The following BRD1 variants were observed in gnomAD, a reference collection of about 807,000 sequenced individuals.
BRD1 encodes the protein bromodomain-containing protein 1.
In BRD1, 24 loss-of-function variants were observed where a neutral mutation model predicts 107.7. The ratio of observed to expected loss-of-function variants is 0.22; its 90% CI spans 0.16 to 0.31. The LOEUF is 0.31. Among genes scored for constraint, BRD1 ranks in the 10% least tolerant of loss-of-function variants. BRD1 has a pLI of 1.00. For missense variants in BRD1, 1,279 were observed against 1,638.6 expected (o/e 0.78, Z 3.79); for synonymous variants, 744 against 686.1 (o/e 1.08, Z -1.32).
At position 49,803,724 on chromosome 22, in the gene BRD1, CT is replaced by C. The variant is rs2059684402; in HGVS notation, c.1524+479del. On this transcript the variant is annotated intron_variant, in intron 3 of 12. Coordinates refer to ENST00000404760, the MANE Select transcript of BRD1 (RefSeq NM_001304808.3). This position sits in a 1 kb window ranked among gnomAD's most constrained non-coding sequence, Gnocchi z 4.4. ...CCACCACAGTCCCAGCTAAACCAAC[CT>C]TCAGAGCAAGGCCCTCGAAATAAAC... is the stretch of plus-strand genomic sequence containing the variant. Among the ~76,000 whole-genome samples the C allele has an allele frequency of 2.0e-5, 3 of 152,192 alleles. No homozygotes were observed. The South Asian group carries it at 6.2e-4, about 32-fold the overall frequency.
intron 2 of BRD1, among the ~76,000 whole-genome samples, chr22:49,808,187 C>A (rs895469987): frequency 6.6e-6 from 1 of 152,204 alleles, no homozygotes; most frequent in Non-Finnish European, 1.5e-5. Flanking sequence ...TCCGGGTATA[C>A]ACCCAAAAGA....
intron 1 of BRD1, chr22:49,825,662 G>A (rs2060138617): frequency 6.6e-6 from 1 of 152,278 alleles, no homozygotes; most frequent in South Asian, 2.1e-4. Context: ...TCTGCATCTA[G>A]CCCTGCCACG....
At chr22:49,789,797 G>A (rs575373713) in intron 7 of BRD1, among the ~76,000 whole-genome samples, 2 of 152,334 alleles carry the variant, frequency 1.3e-5, no homozygotes, top group South Asian at 4.1e-4. Context: ...GCCCTGAGAC[G>A]TGCAGACGTC....
Position 49,792,728 on chromosome 22 carries a change from A to G in BRD1, c.2359+1306T>C, listed in dbSNP as rs1047996137. On this transcript the variant is annotated intron_variant, in intron 7 of 12. Transcript: ENST00000404760. This position sits in a 1 kb window ranked among gnomAD's most constrained non-coding sequence, Gnocchi z 4.2. ...GAACAGAACAACAAACAGGCACAAA[A>G]TGAGCAAAAGGATGCATAAGAAATT... Among the ~76,000 whole-genome samples, 7 of 152,236 alleles carry G rather than the reference A, an allele frequency of 4.6e-5. No individual in the cohort carries two copies. The highest frequency in any genetic ancestry group is 8.8e-5 in the Non-Finnish European group (6 of 68,044).
At chr22:49,804,107 A>G (rs1231809617) in intron 3 of BRD1, 97 bp downstream of exon 3, 23 of 1,087,218 alleles carry the variant, frequency 2.1e-5, no homozygotes, top group Middle Eastern at 3.1e-4. Flanking sequence ...GCCTGAGCCC[A>G]GGGGGCAGCA....
chr22:49,804,439 ACTG>A, intron 2 of BRD1, 79 bp from the exon 3 acceptor site: 1 of 1,456,772 alleles, frequency 6.9e-7, no homozygotes, highest in African/African-American at 1.4e-5. Flanking sequence ...TGACAGTACT[ACTG>A]CTAACAAAAC....
chr22:49,818,411 G>A lies in BRD1; in HGVS notation c.1367+4540C>T, dbSNP rs949821250. The A allele has an allele frequency of 4.2e-5, 47 of 1,105,938 alleles. 1 individual carries two copies. Among genetic ancestry groups the A allele is most frequent in the African/African-American group, 1.6e-4 (10 of 61,330 alleles). 68.5% of individuals were successfully genotyped at this position (1,105,938 alleles called of 1,614,324 possible). Reference sequence around the variant, plus strand: ...AGGAGTTTTGTTAAACAGATTATGCGTGTATTTATCCCTCATTTCATGCAA... The same window carrying A: ...AGGAGTTTTGTTAAACAGATTATGCATGTATTTATCCCTCATTTCATGCAA... On this transcript the variant is annotated intron_variant, in intron 2 of 12. Transcript: ENST00000404760.
chr22:49,782,524 G>A (rs1360239771), intron 8 of BRD1, among the ~76,000 whole-genome samples: 2 of 134,892 alleles, frequency 1.5e-5, no homozygotes, highest in African/African-American at 5.7e-5. Flanking sequence ...CCATGACAAT[G>A]CAGCTGGGAC....
At chr22:49,797,663 T>C (rs1465245221) in intron 6 of BRD1, 142 bp downstream of exon 6, 9 of 754,984 alleles carry the variant, frequency 1.2e-5, no homozygotes, top group Non-Finnish European at 1.8e-5. Context: ...TCAGTGAGGC[T>C]ACTAGAAAAT....
chr22:49,822,827 T>C (rs568269548), intron 2 of BRD1, 124 bp downstream of exon 2: 3 of 1,139,252 alleles, frequency 2.6e-6, no homozygotes, highest in South Asian at 1.5e-5. Flanking sequence ...CAGGGGAATA[T>C]TAGGAAGCTG....
rs1453529977 is a variant in BRD1, at chr22:49,775,535, C to T, written c.3386+56G>A. ...CCACAGGGACACTCAGGTCACCGAG[C>T]CCACGGCCCCCAACCACCCCAGCCG... On this transcript the variant is annotated intron_variant, in intron 12 of 12. Coordinates refer to ENST00000404760, the MANE Select transcript of BRD1 (RefSeq NM_001304808.3). 6.1e-6 allele frequency: 8 copies of T among 1,320,876 alleles called. 1 individual carries two copies. The Admixed American group carries it at 2.4e-4, about 39-fold the overall frequency. 81.8% of individuals were successfully genotyped at this position (1,320,876 alleles called of 1,614,324 possible).
chr22:49,784,741 C>T (rs939063408), intron 8 of BRD1, among the ~76,000 whole-genome samples: 4 of 152,238 alleles, frequency 2.6e-5, no homozygotes, highest in Non-Finnish European at 5.9e-5. Flanking sequence ...CCCCCATGTG[C>T]AGAGCACCAG....
chr22:49,799,893 G>A (rs1017528039), intron 3 of BRD1, among the ~76,000 whole-genome samples: 3 of 152,182 alleles, frequency 2.0e-5, no homozygotes, highest in African/African-American at 2.4e-5. Flanking sequence ...CTGGCCGCAT[G>A]AGGCCTGCTC....
At chr22:49,804,101 G>A (rs967331338) in intron 3 of BRD1, 103 bp downstream of exon 3, 3 of 1,032,336 alleles carry the variant, frequency 2.9e-6, no homozygotes, top group Admixed American at 3.5e-5. Context: ...CGGGGAGCCT[G>A]AGCCCAGGGG....
intron 2 of BRD1, among the ~76,000 whole-genome samples, chr22:49,812,534 G>A (rs1307714020): frequency 6.6e-6 from 1 of 152,098 alleles, no homozygotes; most frequent in African/African-American, 2.4e-5. Flanking sequence ...TCATGCCACT[G>A]AACTCCAGCC....
intron 7 of BRD1, 24 bp downstream of exon 7, chr22:49,794,010 G>T: frequency 6.3e-7 from 1 of 1,597,130 alleles, no homozygotes; most frequent in Non-Finnish European, 8.5e-7. Flanking sequence ...GCAAGAAAGC[G>T]GGGCAGCCCT....
rs528719164 is a variant in BRD1, at chr22:49,821,574, T to C, written c.1367+1377A>G. Among the ~76,000 whole-genome samples, 18 of 151,964 alleles carry C rather than the reference T, an allele frequency of 1.2e-4. No individual in the cohort carries two copies. The South Asian group carries it at 3.7e-3, about 32-fold the overall frequency. On this transcript the variant is annotated intron_variant, in intron 2 of 12. Coordinates refer to ENST00000404760, the MANE Select transcript of BRD1 (RefSeq NM_001304808.3). ...GAAACTGGACTTCACTTTGGTAAAG[T>C]AGAGTAATATTAACAAAAATCACTT...
intron 2 of BRD1, chr22:49,806,285 A>G (rs1260502973): frequency 6.6e-6 from 1 of 152,260 alleles, no homozygotes; most frequent in Non-Finnish European, 1.5e-5. Flanking sequence ...TCTTCTCCAG[A>G]GTCAGGGCTT....
In BRD1 at chr22:49,803,793, C is replaced by T. The variant is rs1477475832; in HGVS notation, c.1524+411G>A. On this transcript the variant is annotated intron_variant, in intron 3 of 12. Coordinates refer to ENST00000404760, the MANE Select transcript of BRD1 (RefSeq NM_001304808.3). This position sits in a 1 kb window ranked among gnomAD's most constrained non-coding sequence, Gnocchi z 4.4. ...CAAAACCCACCCTCCAGGCCCAGCA[C>T]ACAGACCCCCACCCACATGGCCCGG... Among the ~76,000 whole-genome samples, 2 of 152,140 alleles carry T rather than the reference C, an allele frequency of 1.3e-5. No homozygotes were observed. Among genetic ancestry groups the T allele is most frequent in the African/African-American group, 2.4e-5 (1 of 41,418 alleles).
Sources: allele counts gnomAD v4.1 joint callset (sites outside exome capture counted in the v4.1 genomes callset), GRCh38; gene constraint gnomAD v4.1.1; non-coding constraint Gnocchi (gnomAD v3.1); transcripts MANE v1.5; gene names NCBI Gene and HGNC (gene_info 2026-07-23, HGNC 2026-07-21).